The following XIRP2 variants were observed in gnomAD, a reference collection of about 807,000 sequenced individuals.
The protein encoded by XIRP2 is xin actin binding repeat containing 2.
XIRP2 carries 236 observed loss-of-function variants against 277.0 expected under a neutral mutation model. The ratio of observed to expected loss-of-function variants is 0.85; its 90% CI spans 0.77 to 0.95. The LOEUF (loss-of-function observed/expected upper bound fraction) is 0.95. Ranked by LOEUF, XIRP2 falls within the 40% of genes least tolerant of loss-of-function variation. The pLI is 0.00. For synonymous variants in XIRP2, 1,490 were observed against 1,416.5 expected, an observed-to-expected ratio of 1.05 and a Z score of -1.17; for missense variants, 4,640 against 4,157.5, an observed-to-expected ratio of 1.12 and a Z score of -3.19.
At chr2:167,067,205 T>C (rs1689322701) in intron 2 of XIRP2, among the ~76,000 whole-genome samples, 1 of 152,154 alleles carries the variant, frequency 6.6e-6, no homozygotes. Context: ...AGTTACTTGA[T>C]GGTCTGTTTA....
intron 5 of XIRP2, among the ~76,000 whole-genome samples, chr2:167,220,550 C>T (rs1165027038): frequency 6.6e-6 from 1 of 152,216 alleles, no homozygotes; most frequent in Non-Finnish European, 1.5e-5. Flanking sequence ...TTCTTAACCT[C>T]TCAGAATCAC....
chr2:167,081,965 C>G (rs1689749550), intron 2 of XIRP2, among the ~76,000 whole-genome samples: 1 of 146,732 alleles, frequency 6.8e-6, no homozygotes, highest in African/African-American at 2.5e-5. Context: ...TATTATTATA[C>G]TTTAAGTTTT....
chr2:167,229,338 C>A (rs1694690567), intron 5 of XIRP2, among the ~76,000 whole-genome samples: 1 of 151,992 alleles, frequency 6.6e-6, no homozygotes, highest in African/African-American at 2.4e-5. Context: ...ACAATATATT[C>A]TAATATGCTA....
chr2:167,182,901 T>C (rs1693055584), intron 3 of XIRP2, among the ~76,000 whole-genome samples: 1 of 152,154 alleles, frequency 6.6e-6, no homozygotes, highest in Non-Finnish European at 1.5e-5. Context: ...ATGAGCCAAA[T>C]CAATGTTGGT....
At chr2:167,062,006 A>T (rs546683204) in intron 2 of XIRP2, among the ~76,000 whole-genome samples, 2 of 152,246 alleles carry the variant, frequency 1.3e-5, no homozygotes, top group South Asian at 4.1e-4. Flanking sequence ...TATTCAAATG[A>T]TTTTTTGGCA....
intron 2 of XIRP2, among the ~76,000 whole-genome samples, chr2:167,104,684 T>C (rs1690568976): frequency 6.6e-6 from 1 of 152,098 alleles, no homozygotes; most frequent in Admixed American, 6.6e-5. Context: ...TTACTGTTGC[T>C]TATTTTATTT....
At chr2:166,898,000 C>G (rs533731947) in intron 1 of XIRP2, among the ~76,000 whole-genome samples, 5 of 152,216 alleles carry the variant, frequency 3.3e-5, no homozygotes, top group African/African-American at 1.2e-4. Context: ...TGTGACCCTC[C>G]AGACCACAGG....
At chr2:167,164,029 C>G (rs566759579) in intron 3 of XIRP2, among the ~76,000 whole-genome samples, 2 of 152,254 alleles carry the variant, frequency 1.3e-5, no homozygotes, top group East Asian at 1.9e-4. Context: ...GTTACTATAG[C>G]TTTATAGTAA....
intron 2 of XIRP2, among the ~76,000 whole-genome samples, chr2:166,936,073 G>A (rs1228321577): frequency 2.6e-5 from 4 of 152,162 alleles, no homozygotes; most frequent in Admixed American, 1.3e-4. Flanking sequence ...TCCAGCACCT[G>A]TTGTTTCCTG....
intron 2 of XIRP2, among the ~76,000 whole-genome samples, chr2:166,969,753 GAA>G (rs774324253): frequency 7.0e-6 from 1 of 142,558 alleles, no homozygotes; most frequent in Admixed American, 7.0e-5. Context: ...CCTTTGGGAG[GAA>G]AAAAAAAAAA....
At chr2:167,145,506 T>G (rs1691839801) in intron 3 of XIRP2, among the ~76,000 whole-genome samples, 1 of 152,302 alleles carries the variant, frequency 6.6e-6, no homozygotes, top group African/African-American at 2.4e-5. Flanking sequence ...TAGCAACACA[T>G]GCAGTGAGAT....
chr2:167,150,403 T>C (rs1691983221), intron 3 of XIRP2, among the ~76,000 whole-genome samples: 2 of 152,058 alleles, frequency 1.3e-5, no homozygotes, highest in Non-Finnish European at 2.9e-5. Context: ...TATTTATCTC[T>C]TTAATCAAAA....
At chr2:166,895,695 G>A (rs1684224174) in intron 1 of XIRP2, among the ~76,000 whole-genome samples, 2 of 152,156 alleles carry the variant, frequency 1.3e-5, no homozygotes, top group East Asian at 1.9e-4. Flanking sequence ...ATACACAGGC[G>A]TTACCCTCTG....
At chr2:166,922,877 C>T (rs1450737562) in intron 2 of XIRP2, among the ~76,000 whole-genome samples, 1 of 141,790 alleles carries the variant, frequency 7.1e-6, no homozygotes, top group Admixed American at 7.2e-5. Context: ...GCAGATTTTA[C>T]TTAGTGTAAT....
At chr2:167,183,725 A>G (rs1309308142) in intron 3 of XIRP2, among the ~76,000 whole-genome samples, 2 of 151,976 alleles carry the variant, frequency 1.3e-5, no homozygotes, top group East Asian at 1.9e-4. Context: ...TTAAGTATCT[A>G]CAACACCTGC....
intron 2 of XIRP2, among the ~76,000 whole-genome samples, chr2:167,060,345 T>C (rs2105239009): frequency 6.6e-6 from 1 of 152,252 alleles, no homozygotes; most frequent in African/African-American, 2.4e-5. Context: ...AGGATGGCTA[T>C]TTGGTGGGAG....
chr2:166,927,501 C>A (rs1227613967), intron 2 of XIRP2, among the ~76,000 whole-genome samples: 1 of 152,082 alleles, frequency 6.6e-6, no homozygotes, highest in Non-Finnish European at 1.5e-5. Context: ...TAGAGGCCAC[C>A]TAAAATCTCT....
rs766156356 is a variant in XIRP2 at position 167,243,648 on chromosome 2, G to A, written c.2256G>A (p.Leu752=). The A allele has an allele frequency of 2.5e-6, 4 of 1,613,780 alleles. No individual in the cohort carries two copies. Among genetic ancestry groups the A allele is most frequent in the African/African-American group, 2.7e-5 (2 of 74,854 alleles). ...YVIRDGSGQM[L]EIKTVHREDV... The stretch of plus-strand genomic sequence containing the variant: ...TTAGAGATGGTTCGGGCCAAATGCT[G>A]GAAATTAAAACTGTTCACAGAGAAG... Residue 752 remains leucine (L), a synonymous_variant, in exon 9 of 11, where the codon CTG becomes CTA. Coordinates refer to ENST00000409195, the MANE Select transcript of XIRP2 (RefSeq NM_152381.6).
intron 2 of XIRP2, among the ~76,000 whole-genome samples, chr2:166,987,391 C>A (rs967082128): frequency 6.6e-6 from 1 of 152,120 alleles, no homozygotes; most frequent in Admixed American, 6.5e-5. Flanking sequence ...ATAGGGAGAA[C>A]AAGACAACAG....
Sources: gnomAD v4.1 joint callset for allele counts (sites outside exome capture counted in the v4.1 genomes callset) on GRCh38, gnomAD v4.1.1 for gene constraint, MANE v1.5 for transcripts, NCBI Gene and HGNC (gene_info 2026-07-23, HGNC 2026-07-21) for gene names.